BEST3: variants seen among roughly 807,000 people sequenced by gnomAD.
BEST3 encodes bestrophin 3, also known as bestrophin-3.
BEST3 carries 50 observed loss-of-function variants against 47.1 expected under a neutral mutation model. That is an observed-to-expected ratio of 1.06 (90% CI 0.85 to 1.34). The LOEUF (loss-of-function observed/expected upper bound fraction) is 1.34. BEST3 is among the 40% of genes most tolerant of loss of function. The pLI is 0.00. For missense variants in BEST3, 765 were observed against 817.0 expected (o/e 0.94, Z 0.78); for synonymous variants, 282 against 298.8 (o/e 0.94, Z 0.58).
At position 69,676,894 on chromosome 12, in the gene BEST3, G is replaced by C; in HGVS notation, c.867+22C>G. ...CTGGAACATAACACATTACAAAGTG[G>C]GGCCCTGAGACCACTGGCTACCTTA... On this transcript the variant is annotated intron_variant, in intron 7 of 9. Coordinates refer to ENST00000330891, the MANE Select transcript of BEST3 (RefSeq NM_032735.3). 3.1e-6 allele frequency: 5 copies of C among 1,609,684 alleles called. No individual in the cohort carries two copies. The East Asian group carries it at 6.7e-5, about 22-fold the overall frequency.
At chr12:69,679,255 T>C (rs1885100317) in intron 4 of BEST3, among the ~76,000 whole-genome samples, 1 of 152,208 alleles carries the variant, frequency 6.6e-6, no homozygotes, top group Non-Finnish European at 1.5e-5. Flanking sequence ...ATTGTTACGA[T>C]TAAAATAATA....
chr12:69,647,117 G>C (rs1883062987), intron 9 of BEST3, among the ~76,000 whole-genome samples: 1 of 152,180 alleles, frequency 6.6e-6, no homozygotes, highest in South Asian at 2.1e-4. Flanking sequence ...CAGCAAGTAA[G>C]AACAAGTGAT....
At chr12:69,671,835 T>C (rs750185718) in intron 8 of BEST3, among the ~76,000 whole-genome samples, 3 of 152,140 alleles carry the variant, frequency 2.0e-5, no homozygotes, top group African/African-American at 4.8e-5. Context: ...AACCACACAC[T>C]CTAGAGTGGA....
chr12:69,690,011 T>C (rs1885852318), intron 4 of BEST3, among the ~76,000 whole-genome samples: 1 of 152,174 alleles, frequency 6.6e-6, no homozygotes, highest in Admixed American at 6.5e-5. Context: ...TTTGGGGTAC[T>C]AAAAAAACCA....
chr12:69,674,355 T>TC (rs561765718), intron 7 of BEST3, among the ~76,000 whole-genome samples: 143 of 152,196 alleles, frequency 9.4e-4, no homozygotes, highest in African/African-American at 3.2e-3. Context: ...CCTGGGTCCC[T>TC]CCCCGAGAGA....
chr12:69,651,353 A>C (rs1204175790), downstream of BEST3, among the ~76,000 whole-genome samples: 1 of 152,244 alleles, frequency 6.6e-6, no homozygotes, highest in Non-Finnish European at 1.5e-5. Flanking sequence ...AGAAGAACGC[A>C]GACTTGTTCA....
At chr12:69,667,612 G>A (rs710729) in intron 9 of BEST3, among the ~76,000 whole-genome samples, 132,544 of 152,196 alleles carry the variant, frequency 0.87, 57,934 homozygotes, top group Middle Eastern at 0.97. Flanking sequence ...TCATTCTTAA[G>A]GATGCATATT....
At chr12:69,672,291 G>A (rs1264956446) in intron 8 of BEST3, among the ~76,000 whole-genome samples, 1 of 152,228 alleles carries the variant, frequency 6.6e-6, no homozygotes, top group Non-Finnish European at 1.5e-5. Context: ...GCCTTCACAG[G>A]GAAGAGAATG....
At chr12:69,671,371 G>T (rs1396345635) in intron 9 of BEST3, 57 bp downstream of exon 9, 9 of 1,441,588 alleles carry the variant, frequency 6.2e-6, no homozygotes, top group South Asian at 1.3e-5. Context: ...TAGAGACAAG[G>T]TCTCACTATG....
At chr12:69,684,328 T>C in intron 4 of BEST3, 1 of 412,052 alleles carries the variant, frequency 2.4e-6, no homozygotes, top group Non-Finnish European at 4.3e-6. Flanking sequence ...TTGCATTTAC[T>C]CCCAATTGAG....
At chr12:69,693,245 C>CTTTTTTT (rs71094730) in intron 4 of BEST3, among the ~76,000 whole-genome samples, 3 of 136,656 alleles carry the variant, frequency 2.2e-5, no homozygotes, top group South Asian at 2.3e-4. Context: ...CTCTCTCTCT[C>CTTTTTTT]TTTTTTTTTT....
In BEST3 at chr12:69,672,928, T is replaced by A; in HGVS notation, c.905A>T (p.Asp302Val). 1.2e-6 allele frequency: 2 copies of A among 1,613,696 alleles called. No individual in the cohort carries two copies. Among genetic ancestry groups the A allele is most frequent in the Non-Finnish European group, 1.7e-6 (2 of 1,179,864 alleles). The change falls in exon 8 of 10, where the codon GAT becomes GTT. Residue 302 changes from aspartate to valine, a missense_variant. By Grantham distance (152) the Asp-to-Val change is radical. Coordinates refer to ENST00000330891, the MANE Select transcript of BEST3 (RefSeq NM_032735.3). ...GCACCAGTTAGTTTCAAAATCATCA[T>A]CATCTTCTCCAAAAGGGTTGATAAG... Reference protein sequence around the residue: ...EQLINPFGEDDDDFETNWCID... With the variant: ...EQLINPFGEDVDDFETNWCID...
chr12:69,687,299 C>T (rs191665673), intron 4 of BEST3: 9 of 152,214 alleles, frequency 5.9e-5, no homozygotes, highest in African/African-American at 2.2e-4. Context: ...TCATCAGGCT[C>T]CCTGTAGTCA....
intron 4 of BEST3, among the ~76,000 whole-genome samples, chr12:69,686,779 C>CAAAAAAAAAAAAAAAAAAAAA (rs71094728): frequency 1.0e-5 from 1 of 99,374 alleles, no homozygotes; most frequent in Non-Finnish European, 2.0e-5. Context: ...CTCAAAAAAA[C>CAAAAAAAAAAAAAAAAAAAAA]AAAAAAAAAA....
At chr12:69,668,691 T>C (rs1017325721) in intron 9 of BEST3, among the ~76,000 whole-genome samples, 1 of 152,240 alleles carries the variant, frequency 6.6e-6, no homozygotes, top group African/African-American at 2.4e-5. Flanking sequence ...TCCATATGGT[T>C]GGACGGGGCT....
At position 69,677,229 on chromosome 12, in the gene BEST3, C is replaced by T; in HGVS notation, c.665G>A (p.Ser222Asn). 1 of 1,613,500 alleles carries T rather than the reference C, an allele frequency of 6.2e-7. No homozygotes were observed. Among genetic ancestry groups the T allele is most frequent in the Non-Finnish European group, 8.5e-7 (1 of 1,179,694 alleles). The part of the protein sequence containing the change: ...TEMNRYRSWC[S>N]LLFGYDWVGI... ...AACCCAGTCATAACCGAATAAGAGGCTGCACCAAGAGCGGTATCGATTCAT... is the reference window on the plus strand; with the variant it reads ...AACCCAGTCATAACCGAATAAGAGGTTGCACCAAGAGCGGTATCGATTCAT... The change falls in exon 6 of 10, where the codon AGC becomes AAC. Residue 222 changes from serine (S) to asparagine (N), a missense_variant. Transcript: ENST00000330891.
downstream of BEST3, among the ~76,000 whole-genome samples, chr12:69,652,360 G>A (rs111887234): frequency 1.7e-3 from 252 of 152,306 alleles, 2 homozygotes; most frequent in African/African-American, 5.7e-3. Flanking sequence ...GGCAGGCAAT[G>A]AAATCAGGTA....
At chr12:69,675,691 C>T (rs17225496) in intron 7 of BEST3, among the ~76,000 whole-genome samples, 15,835 of 152,228 alleles carry the variant, frequency 0.1, 1,079 homozygotes, top group Non-Finnish European at 0.16. Flanking sequence ...CTTGCTCTTA[C>T]GCAGGTAGAA....
intron 7 of BEST3, among the ~76,000 whole-genome samples, chr12:69,676,658 G>T (rs1884939519): frequency 6.6e-6 from 1 of 152,112 alleles, no homozygotes; most frequent in African/African-American, 2.4e-5. Flanking sequence ...ATCCTAATGG[G>T]AACACACAGA....
Sources: gnomAD v4.1 joint callset for allele counts (sites outside exome capture counted in the v4.1 genomes callset) on GRCh38, gnomAD v4.1.1 for gene constraint, MANE v1.5 for transcripts, NCBI Gene and HGNC (gene_info 2026-07-23, HGNC 2026-07-21) for gene names.